The following ZNF487 variants were observed in gnomAD, a reference collection of about 807,000 sequenced individuals.
ZNF487 encodes the protein zinc finger protein 487, also known as KRAB domain only 1.
A neutral mutation model predicts 3.0 loss-of-function variants in ZNF487; 4 were observed. The ratio of observed to expected loss-of-function variants is 1.35; its 90% CI spans 0.66 to 3.08. The LOEUF (loss-of-function observed/expected upper bound fraction) is 3.08, where lower values mean the gene tolerates loss of function less well. ZNF487 is among the 30% of genes most tolerant of loss of function. The pLI is 0.01. For missense variants in ZNF487, 146 were observed against 98.7 expected, an observed-to-expected ratio of 1.48 and a Z score of -2.03; for synonymous variants, 55 against 34.6, an observed-to-expected ratio of 1.59 and a Z score of -2.06.
Position 43,482,069 on chromosome 10 carries a change from T to C in ZNF487, c.*147T>C, listed in dbSNP as rs779172233. The C allele has an allele frequency of 1.0e-5, 6 of 579,722 alleles. No homozygotes were observed. Among genetic ancestry groups the C allele is most frequent in the African/African-American group, 5.6e-5 (3 of 53,560 alleles). The allele number at this position is 579,722 out of a possible 1,614,324, so 35.9% of individuals were successfully genotyped here. On this transcript the variant is annotated 3_prime_UTR_variant, in exon 4 of 4. Coordinates refer to ENST00000437590, the MANE Select transcript of ZNF487 (RefSeq NM_001355444.3). ...CCTGTAAATAAACACCACAGGGTTA[T>C]GGAGATGAAATACTATGAGTGTAAT... is the stretch of plus-strand genomic sequence containing the variant.
the ZNF487 span, among the ~76,000 whole-genome samples, chr10:43,510,558 T>G: frequency 1.3e-5 from 2 of 151,078 alleles, no homozygotes; most frequent in African/African-American, 4.9e-5. Context: ...TTTTTGTTTG[T>G]TTTTTTTGAG....
At chr10:43,437,775 C>G (rs551762030) in intron 1 of ZNF487, among the ~76,000 whole-genome samples, 1 of 152,092 alleles carries the variant, frequency 6.6e-6, no homozygotes, top group South Asian at 2.1e-4. Flanking sequence ...CTTTTTTTCT[C>G]TTACATCGGC....
intron 1 of ZNF487, among the ~76,000 whole-genome samples, chr10:43,474,100 G>T (rs956423867): frequency 2.0e-5 from 3 of 151,710 alleles, no homozygotes; most frequent in Non-Finnish European, 4.4e-5. Context: ...GGTCAAAGCT[G>T]CAGTGAGCTG....
intron 1 of ZNF487, among the ~76,000 whole-genome samples, chr10:43,445,805 T>C (rs942813977): frequency 6.6e-6 from 1 of 152,146 alleles, no homozygotes; most frequent in African/African-American, 2.4e-5. Context: ...TCTCTGGTTT[T>C]CCTAGGCAGA....
chr10:43,515,289 A>G, the ZNF487 span, among the ~76,000 whole-genome samples: 10 of 152,152 alleles, frequency 6.6e-5, no homozygotes, highest in South Asian at 2.1e-4. Flanking sequence ...TAGGTCTAGA[A>G]GCAAACGGGT....
At chr10:43,503,571 G>T in the ZNF487 span, among the ~76,000 whole-genome samples, 1 of 152,044 alleles carries the variant, frequency 6.6e-6, no homozygotes, top group African/African-American at 2.4e-5. Context: ...TCCATTCATG[G>T]TAAGTGCCCT....
At chr10:43,436,976 G>C (rs1282874750), upstream of ZNF487, 1 of 442,744 alleles carries the variant, frequency 2.3e-6, no homozygotes, top group Non-Finnish European at 4.7e-6. Context: ...GCTGGTAGCA[G>C]GGTGGGATGC....
At chr10:43,441,305 G>A (rs961799582) in intron 1 of ZNF487, among the ~76,000 whole-genome samples, 15 of 151,546 alleles carry the variant, frequency 9.9e-5, no homozygotes, top group Admixed American at 8.6e-4. Context: ...TCACTCCTTC[G>A]CCCAGGCTGG....
At chr10:43,438,181 G>A (rs1272187912) in intron 1 of ZNF487, among the ~76,000 whole-genome samples, 1 of 151,928 alleles carries the variant, frequency 6.6e-6, no homozygotes, top group Non-Finnish European at 1.5e-5. Flanking sequence ...TTTTGTCTTA[G>A]GTTCCATATA....
chr10:43,506,528 T>A, the ZNF487 span, among the ~76,000 whole-genome samples: 10 of 152,092 alleles, frequency 6.6e-5, no homozygotes, highest in African/African-American at 2.2e-4. Context: ...TAAAATAAAA[T>A]AAATTCCAGG....
At position 43,437,156 on chromosome 10, in the gene ZNF487, G is replaced by T. The variant is rs1471702972; in HGVS notation, c.-200G>T. The T allele has an allele frequency of 3.5e-6, 1 of 281,692 alleles. No individual in the cohort carries two copies. The highest frequency in any genetic ancestry group is 7.0e-6 in the Non-Finnish European group (1 of 142,798). 17.4% of individuals were successfully genotyped at this position (281,692 alleles called of 1,614,324 possible). A position where few individuals can be genotyped will look rare whatever the true frequency, so the allele number is the denominator to read the frequency against. ...CCATGGTGAGATGGTCAACAAGCCT[G>T]TAAGTTCCTCAGCTACGACTACCAG... On this transcript the variant is annotated 5_prime_UTR_variant, in exon 1 of 4. Coordinates refer to ENST00000437590, the MANE Select transcript of ZNF487 (RefSeq NM_001355444.3).
At chr10:43,506,289 G>A in the ZNF487 span, among the ~76,000 whole-genome samples, 19,232 of 152,110 alleles carry the variant, frequency 0.13, 2,626 homozygotes, top group African/African-American at 0.34. Context: ...CAAGGTGGGA[G>A]GATTGCTTGA....
intron 1 of ZNF487, among the ~76,000 whole-genome samples, chr10:43,465,071 G>C (rs1339785882): frequency 6.8e-6 from 1 of 147,486 alleles, no homozygotes; most frequent in African/African-American, 2.5e-5. Flanking sequence ...CTCCCTCCCG[G>C]GGCGGCTGGC....
chr10:43,502,960 G>A, the ZNF487 span, among the ~76,000 whole-genome samples: 1 of 147,786 alleles, frequency 6.8e-6, no homozygotes, highest in Middle Eastern at 3.3e-3. Flanking sequence ...GAGCCTGGGA[G>A]TCAAGGCTGC....
the ZNF487 span, among the ~76,000 whole-genome samples, chr10:43,497,523 G>A: frequency 6.6e-6 from 1 of 152,176 alleles, no homozygotes; most frequent in Non-Finnish European, 1.5e-5. Flanking sequence ...ATCCTGCAAT[G>A]GCCCACAACA....
chr10:43,439,468 C>G (rs1160329654), intron 1 of ZNF487, among the ~76,000 whole-genome samples: 1 of 151,878 alleles, frequency 6.6e-6, no homozygotes, highest in Non-Finnish European at 1.5e-5. Flanking sequence ...TTGGGGAGGC[C>G]GAGGAGGGCA....
At chr10:43,449,537 C>T (rs1003132350) in intron 1 of ZNF487, among the ~76,000 whole-genome samples, 4 of 152,016 alleles carry the variant, frequency 2.6e-5, no homozygotes, top group African/African-American at 9.7e-5. Context: ...AGCTGTGTTA[C>T]AGAAGTGAAC....
the ZNF487 span, among the ~76,000 whole-genome samples, chr10:43,496,900 A>T: frequency 6.6e-6 from 1 of 152,080 alleles, no homozygotes; most frequent in Non-Finnish European, 1.5e-5. Context: ...AGGTAAACTC[A>T]TGTCATGGGG....
At chr10:43,441,938 T>C (rs774730318) in intron 1 of ZNF487, among the ~76,000 whole-genome samples, 3 of 152,180 alleles carry the variant, frequency 2.0e-5, no homozygotes, top group Non-Finnish European at 4.4e-5. Context: ...ATAAAATATC[T>C]TGCTGTGGTT....
Sources: allele counts gnomAD v4.1 joint callset (sites outside exome capture counted in the v4.1 genomes callset), GRCh38; gene constraint gnomAD v4.1.1; transcripts MANE v1.5; gene names NCBI Gene and HGNC (gene_info 2026-07-23, HGNC 2026-07-21).